Variants in WBP4 observed in about 807,000 individuals in gnomAD.
WBP4 encodes WW domain binding protein 4.
Under a neutral mutation model 55.4 loss-of-function variants are expected in WBP4, and 37 were observed. The ratio of observed to expected loss-of-function variants is 0.67; its 90% confidence interval spans 0.51 to 0.88. The LOEUF is 0.88. WBP4 is among the 40% of genes least tolerant of loss of function. The pLI is 0.00. For synonymous variants in WBP4, 142 were observed against 140.2 expected (o/e 1.01, Z -0.09); for missense variants, 398 against 420.8 (o/e 0.95, Z 0.47).
chr13:41,073,317 C>G (rs536993344), intron 7 of WBP4, among the ~76,000 whole-genome samples: 8 of 152,058 alleles, frequency 5.3e-5, no homozygotes, highest in Non-Finnish European at 1.0e-4. Context: ...AGTTAAGCGA[C>G]CAACCTGACC....
At chr13:41,073,264 A>G (rs1034906920) in intron 7 of WBP4, among the ~76,000 whole-genome samples, 7 of 152,348 alleles carry the variant, frequency 4.6e-5, no homozygotes, top group African/African-American at 1.4e-4. Flanking sequence ...CTGTAATCCC[A>G]GCAGTTTGGG....
At chr13:41,077,297 C>T (rs1240567260) in intron 8 of WBP4, among the ~76,000 whole-genome samples, 1 of 152,080 alleles carries the variant, frequency 6.6e-6, no homozygotes, top group Non-Finnish European at 1.5e-5. Context: ...AAACTAGGCA[C>T]AGAAGAAACA....
At position 41,083,006 on chromosome 13, in the gene WBP4, C is replaced by T; in HGVS notation, c.*92C>T. 1 of 1,150,558 alleles carries T rather than the reference C, an allele frequency of 8.7e-7. No individual in the cohort carries two copies. The highest frequency in any genetic ancestry group is 2.6e-5 in the Admixed American group (1 of 37,798). 71.3% of individuals were successfully genotyped at this position (1,150,558 alleles called of 1,614,324 possible). ...GTGTTTGTTTGTAAGTATTATGATG[C>T]TAAAAATTTAGATTTATTCTAAATG... On this transcript the variant is annotated 3_prime_UTR_variant, in exon 10 of 10. Transcript: ENST00000379487.
intron 8 of WBP4, 60 bp downstream of exon 8, chr13:41,076,297 TGAGATG>T: frequency 1.4e-6 from 1 of 724,660 alleles, no homozygotes; most frequent in Non-Finnish European, 2.1e-6. Flanking sequence ...TTTTTTTTTT[TGAGATG>T]GAGTCTTGTT....
chr13:41,082,819 G>A lies in WBP4; in HGVS notation c.1036G>A (p.Gly346Arg), dbSNP rs1878843199. Reference protein sequence around the residue: ...VFKEKTVTSLGVMADGVAPVF... With the variant: ...VFKEKTVTSLRVMADGVAPVF... Reference sequence around the variant, plus strand: ...TAAAGAAAAAACAGTCACTTCTCTTGGAGTTATGGCAGATGGAGTGGCCCC... The same window carrying A: ...TAAAGAAAAAACAGTCACTTCTCTTAGAGTTATGGCAGATGGAGTGGCCCC... The change falls in exon 10 of 10, where the codon GGA becomes AGA. Residue 346 changes from glycine to arginine, a missense_variant. By Grantham distance (125) the Gly-to-Arg change is moderately radical. Transcript: ENST00000379487. The A allele has an allele frequency of 6.2e-7, 1 of 1,614,102 alleles. No individual in the cohort carries two copies. The highest frequency in any genetic ancestry group is 1.1e-5 in the South Asian group (1 of 91,072).
intron 9 of WBP4, among the ~76,000 whole-genome samples, chr13:41,082,345 C>T (rs1223644355): frequency 2.0e-5 from 3 of 152,048 alleles, no homozygotes; most frequent in Non-Finnish European, 2.9e-5. Context: ...AACTCCTGAG[C>T]TCAAGTGATC....
intron 8 of WBP4, among the ~76,000 whole-genome samples, chr13:41,077,863 C>G (rs536619182): frequency 6.6e-6 from 1 of 151,082 alleles, no homozygotes; most frequent in African/African-American, 2.4e-5. Context: ...ATGGTAAAAC[C>G]GAGAACCAAA....
chr13:41,065,338 CA>C (rs758291846), intron 4 of WBP4, 51 bp downstream of exon 4: 12 of 1,501,340 alleles, frequency 8.0e-6, no homozygotes, highest in Non-Finnish European at 1.1e-5. Flanking sequence ...AAAGTAACAT[CA>C]GAGGTCAAGC....
chr13:41,071,439 A>G lies in WBP4; in HGVS notation c.440-88A>G, dbSNP rs565511683. 1.7e-5 allele frequency: 18 copies of G among 1,077,828 alleles called. No individual in the cohort carries two copies. In the Admixed American group the frequency reaches 3.6e-4, roughly 22 times the overall value. 66.8% of individuals were successfully genotyped at this position (1,077,828 alleles called of 1,614,324 possible). On this transcript the variant is annotated intron_variant, in intron 5 of 9. Transcript: ENST00000379487. ...ATTGTAGACCTGTAGTGTTTTGTAC[A>G]TAATGACTGTAAATTTTGTCCAAAT...
chr13:41,061,603 C>A lies in WBP4; in HGVS notation c.-71C>A. ...TGGGCATCGGGCGGCTGGAAGAGCTCGACTCGTCCCGCTGGGAAAGCGCGA... is the reference window on the plus strand; with the variant it reads ...TGGGCATCGGGCGGCTGGAAGAGCTAGACTCGTCCCGCTGGGAAAGCGCGA... On this transcript the variant is annotated 5_prime_UTR_variant, in exon 1 of 10. Coordinates refer to ENST00000379487, the MANE Select transcript of WBP4 (RefSeq NM_007187.5). The A allele has an allele frequency of 1.2e-6, 2 of 1,612,812 alleles. No homozygotes were observed. The highest frequency in any genetic ancestry group is 1.7e-4 in the Middle Eastern group (1 of 6,060).
chr13:41,080,173 T>C (rs1176770184), intron 8 of WBP4, among the ~76,000 whole-genome samples: 2 of 152,166 alleles, frequency 1.3e-5, no homozygotes, highest in Non-Finnish European at 1.5e-5. Context: ...AATATATACA[T>C]GTAAGAAATA....
rs1878860116 is a variant in WBP4, at chr13:41,083,174, T to C, written c.*260T>C. 3.0e-6 allele frequency: 1 copy of C among 327,900 alleles called. No homozygotes were observed. Among genetic ancestry groups the C allele is most frequent in the African/African-American group, 2.1e-5 (1 of 47,692 alleles). The allele number at this position is 327,900 out of a possible 1,614,324, so 20.3% of individuals were successfully genotyped here. On this transcript the variant is annotated 3_prime_UTR_variant, in exon 10 of 10. Transcript: ENST00000379487. The stretch of plus-strand genomic sequence containing the variant: ...CTAATTAAGTCATAATTTAAGATGC[T>C]ATGTATCTGTTATTTAAAACATGGA...
In WBP4 at chr13:41,068,620, A is replaced by G. The variant is rs369882285; in HGVS notation, c.322A>G (p.Asn108Asp). The change falls in exon 5 of 10, where the codon AAT (asparagine) becomes GAT (aspartate). Residue 108 changes from asparagine to aspartate, a missense_variant. Transcript: ENST00000379487. ...CACTATCCCACCTACCTCGACATCA[A>G]ATCAACAGAAAGAAAAGAAAGAAAA... ...TSTIPPTSTS[N>D]QQKEKKEKKK... The G allele has an allele frequency of 5.9e-5, 96 of 1,613,692 alleles. No individual in the cohort carries two copies. In the Middle Eastern group the frequency reaches 6.6e-4, roughly 11 times the overall value.
In WBP4 at chr13:41,071,517, T is replaced by C. The variant is rs764608966; in HGVS notation, c.440-10T>C. The C allele has an allele frequency of 9.4e-6, 15 of 1,592,216 alleles. No individual in the cohort carries two copies. The East Asian group carries it at 3.1e-4, about 33-fold the overall frequency. ...AAAGATTTTATAAATGCAATATATT[T>C]TGCTTTAAGCATCTCAGTGGGAGAA... On this transcript the variant is annotated splice_polypyrimidine_tract_variant and intron_variant, in intron 5 of 9. Transcript: ENST00000379487.
intron 2 of WBP4, among the ~76,000 whole-genome samples, chr13:41,064,178 A>T (rs1454911149): frequency 6.6e-6 from 1 of 151,974 alleles, no homozygotes; most frequent in Non-Finnish European, 1.5e-5. Flanking sequence ...ATTATTCTGC[A>T]CTAGTTTTAA....
chr13:41,080,142 G>C (rs935018174), intron 8 of WBP4, among the ~76,000 whole-genome samples: 1 of 152,094 alleles, frequency 6.6e-6, no homozygotes, highest in Non-Finnish European at 1.5e-5. Flanking sequence ...TACACTAAAA[G>C]CCCGTACTTC....
chr13:41,062,709 A>G lies in WBP4; in HGVS notation c.68A>G (p.Asn23Ser). The G allele has an allele frequency of 1.2e-6, 2 of 1,608,202 alleles. No homozygotes were observed. The highest frequency in any genetic ancestry group is 1.7e-6 in the Non-Finnish European group (2 of 1,176,708). Residue 23 changes from asparagine to serine, a missense_variant, in exon 2 of 10, where the codon AAT (asparagine) becomes AGT (serine). Coordinates refer to ENST00000379487, the MANE Select transcript of WBP4 (RefSeq NM_007187.5). The stretch of plus-strand genomic sequence containing the variant: ...TACTGCAAGTGCTGGATAGCAGACA[A>G]TAGGCCTGTATGATAATTCCGCTGT... The part of the protein sequence containing the change: ...CDYCKCWIAD[N>S]RPSVEFHERG...
In WBP4 at chr13:41,061,574, C is replaced by G; in HGVS notation, c.-100C>G. ...AAGGTGTCTGGATCGGAGGGAGGTT[C>G]GGGTGGGCATCGGGCGGCTGGAAGA... On this transcript the variant is annotated 5_prime_UTR_variant, in exon 1 of 10. Coordinates refer to ENST00000379487, the MANE Select transcript of WBP4 (RefSeq NM_007187.5). 1 of 1,581,850 alleles carries G rather than the reference C, an allele frequency of 6.3e-7. No individual in the cohort carries two copies. Among genetic ancestry groups the G allele is most frequent in the African/African-American group, 1.3e-5 (1 of 74,516 alleles).
chr13:41,077,022 A>C (rs111538493), intron 8 of WBP4, among the ~76,000 whole-genome samples: 3 of 152,218 alleles, frequency 2.0e-5, no homozygotes, highest in Admixed American at 6.5e-5. Flanking sequence ...ACAACAACAA[A>C]AAAATACAGG....
Sources: gnomAD v4.1 joint callset for allele counts (sites outside exome capture counted in the v4.1 genomes callset) on GRCh38, gnomAD v4.1.1 for gene constraint, MANE v1.5 for transcripts, NCBI Gene and HGNC (gene_info 2026-07-23, HGNC 2026-07-21) for gene names.